EVC: variants seen among roughly 807,000 people sequenced by gnomAD.
EVC encodes the protein EvC ciliary complex subunit 1, also known as evC complex member EVC.
EVC carries 116 observed loss-of-function variants against 118.9 expected under a neutral mutation model. The ratio of observed to expected loss-of-function variants is 0.98; its 90% CI spans 0.84 to 1.14. EVC has a LOEUF of 1.14. Ranked by LOEUF, EVC falls within the 50% of genes most tolerant of loss-of-function variation. EVC has a pLI of 0.00. For synonymous variants in EVC, 619 were observed against 534.7 expected, an observed-to-expected ratio of 1.16 and a Z score of -2.18; for missense variants, 1,401 against 1,246.4, an observed-to-expected ratio of 1.12 and a Z score of -1.87.
At chr4:5,739,612 T>TGG (rs1296183010) in intron 5 of EVC, among the ~76,000 whole-genome samples, 1 of 152,234 alleles carries the variant, frequency 6.6e-6, no homozygotes, top group African/African-American at 2.4e-5. Context: ...GAGCCAAATC[T>TGG]GGCCATGTCC....
rs145858795 is a variant in EVC, at chr4:5,743,704, A to G, written c.802-1500A>G. On this transcript the variant is annotated intron_variant, in intron 6 of 20. Transcript: ENST00000264956. The surrounding 1 kb of genome is among the most constrained non-coding windows in gnomAD (Gnocchi z 4.7). ...CCCAGGAAGGAGGAAGGACATCATC[A>G]TCTTCACTGTCATCCTCAGTATCAC... 1.3e-5 allele frequency among the ~76,000 whole-genome samples: 2 copies of G among 152,288 alleles called. No homozygotes were observed. The highest frequency in any genetic ancestry group is 2.9e-5 in the Non-Finnish European group (2 of 68,024).
intron 13 of EVC, among the ~76,000 whole-genome samples, chr4:5,794,365 A>G (rs1713502055): frequency 7.5e-6 from 1 of 133,012 alleles, no homozygotes; most frequent in African/African-American, 2.8e-5. Flanking sequence ...TTATGTATTT[A>G]TATTTATATA....
In EVC at chr4:5,789,945, C is replaced by G. The variant is rs1180964655; in HGVS notation, c.1777-3663C>G. Among the ~76,000 whole-genome samples, 1 of 152,060 alleles carries G rather than the reference C, an allele frequency of 6.6e-6. No homozygotes were observed. Among genetic ancestry groups the G allele is most frequent in the Admixed American group, 6.5e-5 (1 of 15,268 alleles). ...CCTGTAATCCCAGCACCTTGGGAGGCCAAGGCAGGTAGATCACCTGAGATC... is the reference window on the plus strand; with the variant it reads ...CCTGTAATCCCAGCACCTTGGGAGGGCAAGGCAGGTAGATCACCTGAGATC... On this transcript the variant is annotated intron_variant, in intron 12 of 20. Coordinates refer to ENST00000264956, the MANE Select transcript of EVC (RefSeq NM_153717.3). The surrounding 1 kb of genome is among the most constrained non-coding windows in gnomAD (Gnocchi z 4.3).
At chr4:5,775,046 C>G (rs1372553211) in intron 11 of EVC, among the ~76,000 whole-genome samples, 1 of 152,110 alleles carries the variant, frequency 6.6e-6, no homozygotes, top group Non-Finnish European at 1.5e-5. Flanking sequence ...TAACCCTTCT[C>G]TAATTTACAA....
At chr4:5,809,633 T>C in intron 19 of EVC, 22 bp downstream of exon 19, 4 of 1,607,600 alleles carry the variant, frequency 2.5e-6, no homozygotes, top group Non-Finnish European at 1.7e-6. Flanking sequence ...ATGCTTGAGT[T>C]GCAGCGGGAA....
At chr4:5,723,574 T>G (rs1725332031) in intron 2 of EVC, among the ~76,000 whole-genome samples, 1 of 152,274 alleles carries the variant, frequency 6.6e-6, no homozygotes. Flanking sequence ...TTTTCTCTCA[T>G]GGTCATCCTT....
chr4:5,738,123 G>A lies in EVC; in HGVS notation c.703-3593G>A, dbSNP rs1727974085. Reference sequence around the variant, plus strand: ...TGAGGGGATTCAGAACTTCAGTGGAGGAAGTCATTGGAAATGTGGAAATAG... The same window carrying A: ...TGAGGGGATTCAGAACTTCAGTGGAAGAAGTCATTGGAAATGTGGAAATAG... On this transcript the variant is annotated intron_variant, in intron 5 of 20. Transcript: ENST00000264956. The surrounding 1 kb of genome is among the most constrained non-coding windows in gnomAD (Gnocchi z 6.5). Among the ~76,000 whole-genome samples the A allele has an allele frequency of 6.6e-6, 1 of 152,160 alleles. No individual in the cohort carries two copies. Among genetic ancestry groups the A allele is most frequent in the African/African-American group, 2.4e-5 (1 of 41,432 alleles).
In EVC at chr4:5,731,412, A is replaced by G. The variant is rs549394146; in HGVS notation, c.385-13A>G. Reference sequence around the variant, plus strand: ...ATCACATGGACTGAGTGTGACTCCTACTGCCACCCCAGCCTCTGGCCGATG... The same window carrying G: ...ATCACATGGACTGAGTGTGACTCCTGCTGCCACCCCAGCCTCTGGCCGATG... On this transcript the variant is annotated splice_polypyrimidine_tract_variant and intron_variant, in intron 3 of 20. Transcript: ENST00000264956. This position sits in a 1 kb window ranked among gnomAD's most constrained non-coding sequence, Gnocchi z 5.6. 2.8e-5 allele frequency: 45 copies of G among 1,605,270 alleles called. No individual in the cohort carries two copies. The highest frequency in any genetic ancestry group is 1.1e-4 in the South Asian group (10 of 90,882).
At position 5,713,668 on chromosome 4, in the gene EVC, C is replaced by T. The variant is rs184961045; in HGVS notation, c.174+2114C>T. 8.3e-3 allele frequency among the ~76,000 whole-genome samples: 837 copies of T among 100,530 alleles called. 18 individuals are homozygous for T. Among genetic ancestry groups the T allele is most frequent in the African/African-American group, 0.033 (788 of 23,850 alleles). The allele number at this position is 100,530 out of a possible 152,430, so 66.0% of individuals were successfully genotyped here. On this transcript the variant is annotated intron_variant, in intron 1 of 20. Transcript: ENST00000264956. ...CTCCAGCCTGGGCGATAGAGCAAGG[C>T]TCCGTCTCAAAAAAAAAAAAAAAAA...
In EVC at chr4:5,801,976, G is replaced by A. The variant is rs749197907; in HGVS notation, c.2331G>A (p.Glu777=). ...FKRTLMEAAV[E]SVYVTSAGVS... is the part of the protein sequence containing the mutation. The stretch of plus-strand genomic sequence containing the variant: ...GGACACTGATGGAGGCGGCAGTGGA[G>A]AGCGTCTACGTGACCAGCGCTGGTG... Residue 777 remains glutamate (E), a synonymous_variant, in exon 16 of 21, where the codon GAG becomes GAA. Transcript: ENST00000264956. The A allele has an allele frequency of 4.3e-6, 7 of 1,613,876 alleles. No individual in the cohort carries two copies. In the Admixed American group the frequency reaches 1.0e-4, roughly 23 times the overall value.
intron 1 of EVC, among the ~76,000 whole-genome samples, chr4:5,718,155 C>G (rs1394054237): frequency 6.6e-6 from 1 of 152,166 alleles, no homozygotes; most frequent in Non-Finnish European, 1.5e-5. Flanking sequence ...TAGTTATGTT[C>G]TGTAAACTCA....
intron 8 of EVC, among the ~76,000 whole-genome samples, chr4:5,751,384 C>T (rs899693): frequency 0.38 from 57,388 of 152,064 alleles, 11,234 homozygotes; most frequent in East Asian, 0.5. Context: ...CCACCACTGC[C>T]GAATCCAGCC....
intron 2 of EVC, among the ~76,000 whole-genome samples, chr4:5,724,235 A>G (rs1292953838): frequency 6.6e-6 from 1 of 152,252 alleles, no homozygotes; most frequent in Non-Finnish European, 1.5e-5. Flanking sequence ...AAGTGATTGC[A>G]GCCCTTCAGG....
chr4:5,736,263 G>A (rs1560304904), intron 5 of EVC, among the ~76,000 whole-genome samples: 1 of 151,462 alleles, frequency 6.6e-6, no homozygotes, highest in Non-Finnish European at 1.5e-5. Context: ...TATACATGGG[G>A]TAAAATTGCA....
intron 6 of EVC, among the ~76,000 whole-genome samples, chr4:5,744,906 A>G (rs1729124063): frequency 6.6e-6 from 1 of 151,176 alleles, no homozygotes; most frequent in African/African-American, 2.4e-5. Flanking sequence ...ATGTCATGAT[A>G]TTTTCCAGGA....
intron 5 of EVC, 46 bp from the exon 6 acceptor site, chr4:5,741,670 C>T (rs1202717163): frequency 2.6e-6 from 3 of 1,141,956 alleles, no homozygotes; most frequent in Non-Finnish European, 2.6e-6. Flanking sequence ...ACAAAAATAC[C>T]ATTGATTAAA....
rs551896750 is a variant in EVC at position 5,743,706 on chromosome 4, C to G, written c.802-1498C>G. Among the ~76,000 whole-genome samples the G allele has an allele frequency of 6.8e-4, 104 of 152,320 alleles. No homozygotes were observed. Among genetic ancestry groups the G allele is most frequent in the African/African-American group, 2.5e-3 (102 of 41,580 alleles). ...CAGGAAGGAGGAAGGACATCATCAT[C>G]TTCACTGTCATCCTCAGTATCACCA... On this transcript the variant is annotated intron_variant, in intron 6 of 20. Coordinates refer to ENST00000264956, the MANE Select transcript of EVC (RefSeq NM_153717.3). This position sits in a 1 kb window ranked among gnomAD's most constrained non-coding sequence, Gnocchi z 4.7.
chr4:5,824,852 T>A, the EVC span: 8 of 985,308 alleles, frequency 8.1e-6, no homozygotes, highest in Non-Finnish European at 9.6e-6. Flanking sequence ...TGCCCTCATG[T>A]GGCCATCTCA....
At chr4:5,786,871 C>CA (rs375303542) in intron 12 of EVC, among the ~76,000 whole-genome samples, 45,042 of 94,860 alleles carry the variant, frequency 0.47, 8,518 homozygotes, top group South Asian at 0.59. Flanking sequence ...GACTCCGTCT[C>CA]AAAAAAAAAA....
Sources: gnomAD v4.1 joint callset for allele counts (sites outside exome capture counted in the v4.1 genomes callset) on GRCh38, gnomAD v4.1.1 for gene constraint, Gnocchi (gnomAD v3.1) non-coding constraint, MANE v1.5 for transcripts, NCBI Gene and HGNC (gene_info 2026-07-23, HGNC 2026-07-21) for gene names.